The following ENKUR variants were observed in gnomAD, a reference collection of about 807,000 sequenced individuals.
ENKUR encodes the protein enkurin, TRPC channel interacting protein, also known as enkurin.
Under a neutral mutation model 27.6 loss-of-function variants are expected in ENKUR, and 19 were observed. The ratio of observed to expected loss-of-function variants is 0.69; its 90% CI spans 0.48 to 1.01. ENKUR has a LOEUF of 1.01. Among genes scored for constraint, ENKUR ranks in the 50% least tolerant of loss-of-function variants. The probability of loss-of-function intolerance (pLI) is 0.00; values close to 1 mark genes in which losing one functional copy is unlikely to be tolerated. For missense variants in ENKUR, 312 were observed against 310.5 expected (o/e 1.00, Z -0.04); for synonymous variants, 117 against 96.9 (o/e 1.21, Z -1.22).
At chr10:25,056,144 G>C (rs1172117986) in intron 2 of ENKUR, among the ~76,000 whole-genome samples, 1 of 152,202 alleles carries the variant, frequency 6.6e-6, no homozygotes, top group Non-Finnish European at 1.5e-5. Flanking sequence ...CAGCTAGCCT[G>C]AGTTCACCCT....
intron 3 of ENKUR, 107 bp downstream of exon 3, chr10:24,995,539 A>G: frequency 1.0e-6 from 1 of 991,228 alleles, no homozygotes; most frequent in African/African-American, 1.6e-5. Flanking sequence ...CAAAGTAGAC[A>G]ATGTGTCCAA....
At chr10:25,059,249 C>T (rs527621874) in intron 2 of ENKUR, among the ~76,000 whole-genome samples, 1 of 151,010 alleles carries the variant, frequency 6.6e-6, no homozygotes, top group African/African-American at 2.4e-5. Context: ...TCTCTTGCCT[C>T]AGCCTCCAAG....
intron 3 of ENKUR, among the ~76,000 whole-genome samples, chr10:24,994,530 C>G (rs1850001240): frequency 6.6e-6 from 1 of 151,738 alleles, no homozygotes; most frequent in African/African-American, 2.4e-5. Context: ...GATGGGGTGT[C>G]ACCATGTTGG....
intron 2 of ENKUR, among the ~76,000 whole-genome samples, chr10:25,022,868 T>C (rs1286448450): frequency 6.6e-6 from 1 of 152,208 alleles, no homozygotes; most frequent in Admixed American, 6.5e-5. Flanking sequence ...GTATATATAC[T>C]TTTAAAAGCA....
intron 4 of ENKUR, among the ~76,000 whole-genome samples, chr10:24,987,538 G>A (rs78501917): frequency 0.017 from 2,562 of 152,208 alleles, 78 homozygotes; most frequent in African/African-American, 0.059. Context: ...GCAGTGAGCC[G>A]TGATTGTGCC....
intron 2 of ENKUR, among the ~76,000 whole-genome samples, chr10:24,998,004 A>G (rs1850102571): frequency 6.6e-6 from 1 of 152,116 alleles, no homozygotes; most frequent in Non-Finnish European, 1.5e-5. Context: ...GGAAGATACA[A>G]AAGAGACTTC....
upstream of ENKUR, among the ~76,000 whole-genome samples, chr10:25,019,890 T>G (rs909509869): frequency 4.6e-5 from 7 of 152,186 alleles, no homozygotes; most frequent in African/African-American, 1.7e-4. Flanking sequence ...CTCCGTGAAT[T>G]AAAAAAATTT....
chr10:25,027,629 C>A (rs1333356634), intron 2 of ENKUR, among the ~76,000 whole-genome samples: 1 of 151,800 alleles, frequency 6.6e-6, no homozygotes, highest in African/African-American at 2.4e-5. Context: ...TGGCTCATGC[C>A]TGTAATCCCA....
At chr10:25,028,527 C>T (rs1371827840) in intron 2 of ENKUR, among the ~76,000 whole-genome samples, 2 of 152,126 alleles carry the variant, frequency 1.3e-5, no homozygotes, top group Non-Finnish European at 2.9e-5. Context: ...CAACTTCTCC[C>T]CTTCTGTGTA....
intron 2 of ENKUR, among the ~76,000 whole-genome samples, chr10:25,051,809 G>T (rs1161008932): frequency 6.6e-6 from 1 of 152,180 alleles, no homozygotes; most frequent in South Asian, 2.1e-4. Flanking sequence ...AGCAATCAAG[G>T]CAGAACGAGG....
upstream of ENKUR, among the ~76,000 whole-genome samples, chr10:25,020,246 A>ATATCTATATCTATATCTG: frequency 7.4e-6 from 1 of 134,706 alleles, no homozygotes; most frequent in African/African-American, 2.5e-5. Flanking sequence ...AAATATATCT[A>ATATCTATATCTATATCTG]TATCTATATC....
Position 24,988,277 on chromosome 10 carries a change from T to C in ENKUR, c.594+2186A>G, listed in dbSNP as rs71495409. On this transcript the variant is annotated intron_variant, in intron 4 of 5. Coordinates refer to ENST00000331161, the MANE Select transcript of ENKUR (RefSeq NM_145010.4). ...GTGTATATATATATTTATATATATGTGTATATATATTTATATATGTATATA... is the reference window on the plus strand; with the variant it reads ...GTGTATATATATATTTATATATATGCGTATATATATTTATATATGTATATA... Among the ~76,000 whole-genome samples, 8 of 142,820 alleles carry C rather than the reference T, an allele frequency of 5.6e-5. No individual in the cohort carries two copies. In the Admixed American group the frequency reaches 5.6e-4, roughly 10 times the overall value. 93.7% of individuals were successfully genotyped at this position (142,820 alleles called of 152,430 possible). A position where few individuals can be genotyped will look rare whatever the true frequency, so the allele number is the denominator to read the frequency against.
chr10:25,007,716 G>T (rs897785714), intron 1 of ENKUR, among the ~76,000 whole-genome samples: 2 of 152,126 alleles, frequency 1.3e-5, no homozygotes, highest in Non-Finnish European at 2.9e-5. Context: ...TTACAGGCTT[G>T]AGCGACTGCG....
At position 24,995,665 on chromosome 10, in the gene ENKUR, G is replaced by T. The variant is rs1415139739; in HGVS notation, c.428C>A (p.Pro143Gln). 5.6e-6 allele frequency: 9 copies of T among 1,612,314 alleles called. No homozygotes were observed. Among genetic ancestry groups the T allele is most frequent in the Non-Finnish European group, 6.8e-6 (8 of 1,179,526 alleles). ...GGCTACCTTTTTATTGATGTACTTT[G>T]GAACTAGTCCTGAAGGCTCAAGATC... is the stretch of plus-strand genomic sequence containing the variant. ...KHDLEPSGLV[P>Q]KYINKKDYGV... Residue 143 changes from proline to glutamine, a missense_variant, in exon 3 of 6, where the codon CCA (proline) becomes CAA (glutamine). Physicochemically the swap from Pro to Gln is moderately conservative, Grantham distance 76 (BLOSUM62 -1). Coordinates refer to ENST00000331161, the MANE Select transcript of ENKUR (RefSeq NM_145010.4).
At chr10:24,993,857 T>A (rs1564337025) in intron 3 of ENKUR, among the ~76,000 whole-genome samples, 2 of 152,010 alleles carry the variant, frequency 1.3e-5, no homozygotes, top group Admixed American at 1.3e-4. Flanking sequence ...AGGGGCAGAG[T>A]GTGTGACAGG....
intron 2 of ENKUR, among the ~76,000 whole-genome samples, chr10:25,058,896 A>G (rs989732443): frequency 6.8e-6 from 1 of 147,366 alleles, no homozygotes; most frequent in African/African-American, 2.5e-5. Flanking sequence ...GTGCCACTGC[A>G]CTCCAACCTA....
intron 2 of ENKUR, chr10:25,024,208 C>T (rs555032199): frequency 6.2e-7 from 1 of 1,614,172 alleles, no homozygotes; most frequent in Non-Finnish European, 8.5e-7. Context: ...AAAAATTGCT[C>T]CTGTCAGGCA....
At chr10:25,024,079 G>A in intron 2 of ENKUR, 1 of 1,614,194 alleles carries the variant, frequency 6.2e-7, no homozygotes, top group Non-Finnish European at 8.5e-7. Flanking sequence ...CCTAGTAGGA[G>A]CAACCTACGT....
chr10:25,015,159 A>G (rs1850537447), intron 1 of ENKUR, among the ~76,000 whole-genome samples: 1 of 152,226 alleles, frequency 6.6e-6, no homozygotes, highest in African/African-American at 2.4e-5. Flanking sequence ...AAGTCCCTAC[A>G]GATGGGAGTA....
Sources: gnomAD v4.1 joint callset for allele counts (sites outside exome capture counted in the v4.1 genomes callset) on GRCh38, gnomAD v4.1.1 for gene constraint, MANE v1.5 for transcripts, NCBI Gene and HGNC (gene_info 2026-07-23, HGNC 2026-07-21) for gene names.